C14orf39: variants seen among roughly 807,000 people sequenced by gnomAD.
The protein encoded by C14orf39 is protein SIX6OS1.
A neutral mutation model predicts 85.6 loss-of-function variants in C14orf39; 66 were observed. The ratio of observed to expected loss-of-function variants is 0.77; its 90% confidence interval spans 0.63 to 0.95. C14orf39 has a LOEUF of 0.95. Among genes scored for constraint, C14orf39 ranks in the 40% least tolerant of loss-of-function variants. C14orf39 has a pLI of 0.00. For missense variants in C14orf39, 735 were observed against 663.9 expected (o/e 1.11, Z -1.18); for synonymous variants, 242 against 214.0 (o/e 1.13, Z -1.14).
chr14:60,471,679 T>G lies in C14orf39; in HGVS notation c.384A>C (p.Lys128Asn). ...YKEVLKQYQL[K>N]YSETPFSREY... ...CACGTGAAAAGGGTGTTTCTGAGTA[T>G]TTTAGTTGGTACTGCTTCAAAACTT... The change falls in exon 6 of 18, where the codon AAA becomes AAC. Residue 128 changes from lysine (K) to asparagine (N), a missense_variant. By Grantham distance (94) the Lys-to-Asn change is moderately conservative (BLOSUM62 0). Coordinates refer to ENST00000321731, the MANE Select transcript of C14orf39 (RefSeq NM_174978.3). The G allele has an allele frequency of 6.2e-7, 1 of 1,603,408 alleles. No homozygotes were observed. Among genetic ancestry groups the G allele is most frequent in the Non-Finnish European group, 8.5e-7 (1 of 1,173,402 alleles).
At chr14:60,472,943 C>G (rs375563040) in intron 5 of C14orf39, among the ~76,000 whole-genome samples, 1 of 152,012 alleles carries the variant, frequency 6.6e-6, no homozygotes, top group African/African-American at 2.4e-5. Flanking sequence ...CTGGGTCAAA[C>G]GGTAATTCTA....
At chr14:60,458,784 T>C (rs770637588) in intron 13 of C14orf39, 45 bp from the exon 14 acceptor site, 3 of 1,485,436 alleles carry the variant, frequency 2.0e-6, no homozygotes, top group Non-Finnish European at 2.8e-6. Flanking sequence ...TGTAATTTTA[T>C]TGTAAAATAA....
intron 11 of C14orf39, among the ~76,000 whole-genome samples, chr14:60,462,766 G>A (rs2140094585): frequency 6.6e-6 from 1 of 152,170 alleles, no homozygotes; most frequent in East Asian, 1.9e-4. Flanking sequence ...CTTAAAACAT[G>A]AGATTTTTTT....
rs530364945 is a variant in C14orf39, at chr14:60,443,752, T to A, written c.1504-1621A>T. 2.0e-5 allele frequency among the ~76,000 whole-genome samples: 3 copies of A among 152,304 alleles called. No homozygotes were observed. In the East Asian group the frequency reaches 5.8e-4, roughly 29 times the overall value. ...GTCCCTGACTCCCATGTAGCCTGAC[T>A]GGGAGACATCTCCCAGTAGAGGCTG... On this transcript the variant is annotated intron_variant, in intron 16 of 17. Coordinates refer to ENST00000321731, the MANE Select transcript of C14orf39 (RefSeq NM_174978.3).
chr14:60,444,289 C>T (rs1890659350), intron 16 of C14orf39, among the ~76,000 whole-genome samples: 1 of 152,050 alleles, frequency 6.6e-6, no homozygotes, highest in Non-Finnish European at 1.5e-5. Context: ...CACAAAGAAG[C>T]TAAAAACCTT....
intron 17 of C14orf39, among the ~76,000 whole-genome samples, chr14:60,439,186 A>G (rs1890394172): frequency 6.6e-6 from 1 of 152,216 alleles, no homozygotes; most frequent in Admixed American, 6.5e-5. Context: ...ATGTACAACT[A>G]TATACCAATA....
At chr14:60,451,768 A>G (rs1316582005) in intron 16 of C14orf39, among the ~76,000 whole-genome samples, 1 of 152,114 alleles carries the variant, frequency 6.6e-6, no homozygotes, top group Admixed American at 6.6e-5. Flanking sequence ...GCACACCAAC[A>G]TGGCAAATGT....
intron 16 of C14orf39, among the ~76,000 whole-genome samples, chr14:60,449,060 T>C (rs1220883828): frequency 1.3e-5 from 2 of 152,004 alleles, no homozygotes; most frequent in South Asian, 2.1e-4. Context: ...GGGGGAGGGA[T>C]AGCATTAGGA....
At chr14:60,475,274 A>G (rs567505095) in intron 5 of C14orf39, among the ~76,000 whole-genome samples, 37 of 151,868 alleles carry the variant, frequency 2.4e-4, no homozygotes, top group Non-Finnish European at 4.0e-4. Context: ...TATTGCATCT[A>G]TTTGATTCTT....
intron 5 of C14orf39, among the ~76,000 whole-genome samples, chr14:60,476,843 T>C (rs1892400998): frequency 6.6e-6 from 1 of 151,402 alleles, no homozygotes. Flanking sequence ...GAAAAGCCTC[T>C]ACTTATCCTA....
intron 4 of C14orf39, among the ~76,000 whole-genome samples, chr14:60,481,081 G>A (rs917706623): frequency 2.6e-5 from 4 of 152,034 alleles, no homozygotes; most frequent in East Asian, 1.9e-4. Context: ...TATATATTTC[G>A]AATATGCTAG....
At chr14:60,476,943 T>G (rs1892405238) in intron 5 of C14orf39, among the ~76,000 whole-genome samples, 1 of 152,204 alleles carries the variant, frequency 6.6e-6, no homozygotes, top group African/African-American at 2.4e-5. Context: ...TTTGAAAGCT[T>G]AATTCGTGCC....
At chr14:60,471,312 CAAAA>C in intron 7 of C14orf39, 101 bp downstream of exon 7, 1 of 941,914 alleles carries the variant, frequency 1.1e-6, no homozygotes, top group Non-Finnish European at 1.6e-6. Flanking sequence ...TAATTAAACA[CAAAA>C]CAAATCCATG....
intron 16 of C14orf39, among the ~76,000 whole-genome samples, chr14:60,443,058 A>G (rs1890596096): frequency 6.6e-6 from 1 of 151,852 alleles, no homozygotes; most frequent in Non-Finnish European, 1.5e-5. Context: ...GTCGCTTCCA[A>G]GATGGCCAAA....
At chr14:60,460,304 T>A (rs1891460297) in intron 13 of C14orf39, among the ~76,000 whole-genome samples, 1 of 151,794 alleles carries the variant, frequency 6.6e-6, no homozygotes, top group African/African-American at 2.4e-5. Context: ...TCTGTCAGTT[T>A]GGCATATATA....
chr14:60,510,868 C>G (rs539614748), intron 1 of C14orf39, among the ~76,000 whole-genome samples: 5 of 152,220 alleles, frequency 3.3e-5, no homozygotes, highest in Admixed American at 6.5e-5. Flanking sequence ...AGAAAGGGCG[C>G]GAATCATGGT....
intron 1 of C14orf39, among the ~76,000 whole-genome samples, chr14:60,507,499 A>G (rs1167521185): frequency 6.6e-6 from 1 of 152,236 alleles, no homozygotes; most frequent in Non-Finnish European, 1.5e-5. Context: ...ATGAACTCTT[A>G]GAAAAGAAAG....
chr14:60,439,045 G>C (rs1236999846), intron 17 of C14orf39, among the ~76,000 whole-genome samples: 1 of 152,150 alleles, frequency 6.6e-6, no homozygotes, highest in Non-Finnish European at 1.5e-5. Context: ...GACATAGCTA[G>C]AAAAGAAGAT....
chr14:60,465,811 G>T (rs1220826529), intron 11 of C14orf39, among the ~76,000 whole-genome samples, 168 bp downstream of exon 11: 2 of 146,896 alleles, frequency 1.4e-5, no homozygotes, highest in African/African-American at 5.0e-5. Flanking sequence ...AAATTTTTTA[G>T]ACCTTGAGTT....
Sources: gnomAD v4.1 joint callset for allele counts (sites outside exome capture counted in the v4.1 genomes callset) on GRCh38, gnomAD v4.1.1 for gene constraint, MANE v1.5 for transcripts, NCBI Gene and HGNC (gene_info 2026-07-23, HGNC 2026-07-21) for gene names.